SEMA3A: variants seen among roughly 807,000 people sequenced by gnomAD.
The protein encoded by SEMA3A is semaphorin-3A.
SEMA3A carries 29 observed loss-of-function variants against 97.9 expected under a neutral mutation model. The observed-to-expected ratio is 0.30, with a 90% CI of 0.22 to 0.40. SEMA3A has a LOEUF of 0.40. SEMA3A is among the 10% of genes least tolerant of loss of function. SEMA3A has a pLI of 1.00. For synonymous variants in SEMA3A, 321 were observed against 323.7 expected, an observed-to-expected ratio of 0.99 and a Z score of 0.09; for missense variants, 763 against 951.3, an observed-to-expected ratio of 0.80 and a Z score of 2.60.
intron 1 of SEMA3A, among the ~76,000 whole-genome samples, chr7:84,395,014 A>C (rs1338006290): frequency 6.6e-6 from 1 of 152,130 alleles, no homozygotes; most frequent in Non-Finnish European, 1.5e-5. Flanking sequence ...GACATAAGAT[A>C]AAGCCTTGGA....
intron 10 of SEMA3A, among the ~76,000 whole-genome samples, 155 bp from the exon 11 acceptor site, chr7:84,005,713 C>T (rs965916469): frequency 3.3e-5 from 5 of 152,136 alleles, no homozygotes; most frequent in South Asian, 2.1e-4. Context: ...TTTGAGAGGC[C>T]GATGCGGGTG....
intron 1 of SEMA3A, among the ~76,000 whole-genome samples, chr7:84,181,340 A>ATAT (rs397961547): frequency 7.5e-6 from 1 of 133,346 alleles, no homozygotes; most frequent in Admixed American, 7.6e-5. Flanking sequence ...ATATATATAT[A>ATAT]ACACACATAT....
intron 16 of SEMA3A, 124 bp from the exon 17 acceptor site, chr7:83,961,950 T>A: frequency 1.5e-6 from 1 of 649,704 alleles, no homozygotes; most frequent in South Asian, 2.5e-5. Context: ...TAATAAAAAT[T>A]TTTAATTTAA....
intron 15 of SEMA3A, among the ~76,000 whole-genome samples, chr7:83,969,118 C>A (rs1435451650): frequency 6.6e-6 from 1 of 152,082 alleles, no homozygotes; most frequent in Non-Finnish European, 1.5e-5. Context: ...TCTTTTATAA[C>A]CCTTTCTATT....
At chr7:84,099,030 T>G (rs1409042692) in intron 4 of SEMA3A, among the ~76,000 whole-genome samples, 2 of 151,882 alleles carry the variant, frequency 1.3e-5, no homozygotes, top group Non-Finnish European at 2.9e-5. Context: ...ATAAATTGGA[T>G]AGAATAACCA....
At chr7:83,990,874 A>T (rs970671953) in intron 12 of SEMA3A, among the ~76,000 whole-genome samples, 18 of 151,652 alleles carry the variant, frequency 1.2e-4, no homozygotes, top group African/African-American at 4.4e-4. Context: ...TGGTAGCTTG[A>T]TGGGGATGGC....
chr7:84,153,739 C>T (rs983545398), intron 1 of SEMA3A, among the ~76,000 whole-genome samples: 8 of 152,054 alleles, frequency 5.3e-5, no homozygotes, highest in Admixed American at 2.0e-4. Flanking sequence ...TATTTCCACT[C>T]TTGCTTCTAT....
chr7:83,976,796 A>G (rs1450487581), intron 15 of SEMA3A, among the ~76,000 whole-genome samples: 1 of 152,118 alleles, frequency 6.6e-6, no homozygotes, highest in East Asian at 1.9e-4. Flanking sequence ...TTTAATGTAC[A>G]TTTCCATTCC....
At chr7:84,289,442 C>T (rs1320708802) in intron 3 of SEMA3A, among the ~76,000 whole-genome samples, 5 of 151,916 alleles carry the variant, frequency 3.3e-5, no homozygotes, top group Non-Finnish European at 4.4e-5. Flanking sequence ...TTGATCACTG[C>T]ACACTATATA....
chr7:84,159,970 T>C (rs946784684), intron 1 of SEMA3A, among the ~76,000 whole-genome samples: 1 of 152,124 alleles, frequency 6.6e-6, no homozygotes, highest in Non-Finnish European at 1.5e-5. Flanking sequence ...ATGGAAGGCA[T>C]CAGTTTTCAC....
At chr7:84,213,383 A>T (rs969712356) in intron 3 of SEMA3A, among the ~76,000 whole-genome samples, 2 of 152,068 alleles carry the variant, frequency 1.3e-5, no homozygotes, top group African/African-American at 4.8e-5. Context: ...GGCTCAATGG[A>T]TCCTCCTGCC....
chr7:84,031,079 G>A (rs546184271), intron 6 of SEMA3A, among the ~76,000 whole-genome samples: 3 of 133,844 alleles, frequency 2.2e-5, no homozygotes, highest in South Asian at 5.3e-4. Context: ...TACAACCTCC[G>A]CCTCACAGAT....
chr7:84,461,464 CT>C (rs67947350), intron 1 of SEMA3A, among the ~76,000 whole-genome samples: 41 of 147,924 alleles, frequency 2.8e-4, no homozygotes, highest in Admixed American at 3.4e-4. Context: ...ACTTGGAAAG[CT>C]TTTTTTTTTT....
chr7:84,176,598 A>G (rs1425306534), intron 1 of SEMA3A, among the ~76,000 whole-genome samples: 3 of 152,180 alleles, frequency 2.0e-5, no homozygotes, highest in African/African-American at 7.2e-5. Context: ...TTTGTAAACC[A>G]AGTGAATAGT....
At chr7:84,170,472 A>T (rs563954477) in intron 1 of SEMA3A, among the ~76,000 whole-genome samples, 1 of 152,096 alleles carries the variant, frequency 6.6e-6, no homozygotes, top group South Asian at 2.1e-4. Context: ...TTATTTAGAA[A>T]ATCCTATTGC....
chr7:84,063,361 C>T (rs1261868857), intron 4 of SEMA3A, among the ~76,000 whole-genome samples: 9 of 150,752 alleles, frequency 6.0e-5, no homozygotes, highest in Admixed American at 4.0e-4. Context: ...AAGCAGAGCG[C>T]CTCTCCTCCT....
chr7:84,008,370 AGTCCCAGCTACTCGGGAGGC>A (rs1790749717), intron 9 of SEMA3A, among the ~76,000 whole-genome samples: 1 of 151,834 alleles, frequency 6.6e-6, no homozygotes, highest in Non-Finnish European at 1.5e-5. Context: ...GGGTGGCTGT[AGTCCCAGCTACTCGGGAGGC>A]TGAGGAAGGA....
At chr7:84,106,861 T>C (rs1233905698) in intron 4 of SEMA3A, among the ~76,000 whole-genome samples, 7 of 152,180 alleles carry the variant, frequency 4.6e-5, no homozygotes, top group Admixed American at 4.6e-4. Flanking sequence ...CATGTTTAAA[T>C]GTCCATGAAA....
chr7:84,135,673 G>A (rs1204475672), intron 1 of SEMA3A, among the ~76,000 whole-genome samples: 2 of 152,108 alleles, frequency 1.3e-5, no homozygotes, highest in African/African-American at 4.8e-5. Flanking sequence ...TAGGAATGTG[G>A]GGGAAACATC....
Sources: gnomAD v4.1 joint callset for allele counts (sites outside exome capture counted in the v4.1 genomes callset) on GRCh38, gnomAD v4.1.1 for gene constraint, MANE v1.5 for transcripts, NCBI Gene and HGNC (gene_info 2026-07-23, HGNC 2026-07-21) for gene names.